GRID2IP: variants seen among roughly 807,000 people sequenced by gnomAD.
GRID2IP encodes Grid2 interacting protein.
GRID2IP carries 78 observed loss-of-function variants against 114.3 expected under a neutral mutation model. The observed-to-expected ratio is 0.68, with a 90% CI of 0.57 to 0.82. The LOEUF (loss-of-function observed/expected upper bound fraction) is 0.82. Among genes scored for constraint, GRID2IP ranks in the 40% least tolerant of loss-of-function variants. The pLI is 0.00. For synonymous variants in GRID2IP, 809 were observed against 724.0 expected (o/e 1.12, Z -1.89); for missense variants, 1,727 against 1,678.5 (o/e 1.03, Z -0.51).
At chr7:6,543,700 C>G (rs1231886004) in intron 1 of GRID2IP, among the ~76,000 whole-genome samples, 2 of 151,934 alleles carry the variant, frequency 1.3e-5, no homozygotes, top group African/African-American at 4.8e-5. Context: ...GCCTTGAACT[C>G]CTGTGTTCAA....
chr7:6,545,818 G>A (rs540294177), intron 1 of GRID2IP, among the ~76,000 whole-genome samples: 1 of 152,208 alleles, frequency 6.6e-6, no homozygotes, highest in Admixed American at 6.5e-5. Flanking sequence ...CTCCCTGTGA[G>A]TGGGCCAGGC....
intron 4 of GRID2IP, 132 bp from the exon 5 acceptor site, chr7:6,522,089 C>A: frequency 5.8e-6 from 4 of 685,674 alleles, no homozygotes; most frequent in Non-Finnish European, 1.0e-5. Context: ...GTGGCTCACA[C>A]CTGTAACCTC....
In GRID2IP at chr7:6,516,927, C is replaced by T. The variant is rs1203701642; in HGVS notation, c.1269-2398G>A. Among the ~76,000 whole-genome samples the T allele has an allele frequency of 6.6e-6, 1 of 152,114 alleles. No homozygotes were observed. The highest frequency in any genetic ancestry group is 1.5e-5 in the Non-Finnish European group (1 of 68,026). On this transcript the variant is annotated intron_variant, in intron 7 of 21. Transcript: ENST00000457091. The surrounding 1 kb of genome is among the most constrained non-coding windows in gnomAD (Gnocchi z 4.3). ...GATGACTCTCACTCCATACCCTGCCCCTTTGCCTTGTACACAATAAATAAC... is the reference window on the plus strand; with the variant it reads ...GATGACTCTCACTCCATACCCTGCCTCTTTGCCTTGTACACAATAAATAAC...
chr7:6,551,177 C>G lies in GRID2IP; in HGVS notation c.260G>C (p.Gly87Ala), dbSNP rs1779972648. The G allele has an allele frequency of 3.6e-6, 5 of 1,370,434 alleles. No homozygotes were observed. The highest frequency in any genetic ancestry group is 4.7e-6 in the Non-Finnish European group (5 of 1,070,690). 84.9% of individuals were successfully genotyped at this position (1,370,434 alleles called of 1,614,324 possible). A position where few individuals can be genotyped will look rare whatever the true frequency, so the allele number is the denominator to read the frequency against. The change falls in exon 1 of 22, where the codon GGT becomes GCT. Residue 87 changes from glycine to alanine, a missense_variant. Coordinates refer to ENST00000457091, the MANE Select transcript of GRID2IP (RefSeq NM_001145118.2). ...PSLGVLPAPD[G>A]GPGPGSGPAA... ...GGGGCCGGATCCTGGGCCGGGGCCA[C>G]CGTCGGGAGCCGGGAGCACGCCCAG... is the stretch of plus-strand genomic sequence containing the variant.
rs1360034209 is a variant in GRID2IP at position 6,528,488 on chromosome 7, C to G, written c.585-1719G>C. Among the ~76,000 whole-genome samples the G allele has an allele frequency of 3.3e-5, 5 of 152,286 alleles. No homozygotes were observed. In the South Asian group the frequency reaches 8.3e-4, roughly 25 times the overall value. On this transcript the variant is annotated intron_variant, in intron 2 of 21. Transcript: ENST00000457091. The surrounding 1 kb of genome is among the most constrained non-coding windows in gnomAD (Gnocchi z 6.0). ...ACTGTGGCAGGACCTCTAACAAGAG[C>G]CCCTGAAGGTCTGGTTGCCTGTGAG...
At chr7:6,538,662 G>T (rs1779768385) in intron 2 of GRID2IP, among the ~76,000 whole-genome samples, 1 of 152,212 alleles carries the variant, frequency 6.6e-6, no homozygotes, top group African/African-American at 2.4e-5. Flanking sequence ...TGGATCACTT[G>T]AGGTCAGGAG....
intron 10 of GRID2IP, 76 bp from the exon 11 acceptor site, chr7:6,510,476 C>T (rs150089538): frequency 0.028 from 38,196 of 1,350,784 alleles, 654 homozygotes; most frequent in Middle Eastern, 0.039. Context: ...CCTGGGTGGG[C>T]CGGGAGGCAG....
chr7:6,496,794 C>G lies in GRID2IP; in HGVS notation c.*980G>C, dbSNP rs1786267580. Among the ~76,000 whole-genome samples, 1 of 150,448 alleles carries G rather than the reference C, an allele frequency of 6.6e-6. No homozygotes were observed. The highest frequency in any genetic ancestry group is 2.4e-5 in the African/African-American group (1 of 40,894). On this transcript the variant is annotated 3_prime_UTR_variant, in exon 22 of 22. Transcript: ENST00000457091. ...GAGGGAAGCTGTCTGATCCAAGGAT[C>G]TGTCAATCAGAGAATTTTAAAAAAG...
Position 6,521,950 on chromosome 7 carries a change from T to G in GRID2IP, c.927A>C (p.Pro309=). Residue 309 remains proline, a synonymous_variant, in exon 5 of 22, where the codon CCA becomes CCC. Transcript: ENST00000457091. The surrounding 1 kb of genome is among the most constrained non-coding windows in gnomAD (Gnocchi z 4.1). ...CTGACTTGAGGGCAGCATTGTCAGCTGGGCTCCCTGGAAGCAAGAAGAGAG... is the reference window on the plus strand; with the variant it reads ...CTGACTTGAGGGCAGCATTGTCAGCGGGGCTCCCTGGAAGCAAGAAGAGAG... ...VWIESVLPGS[P]ADNAALKSGD... is the part of the protein sequence containing the mutation. 1 of 1,551,260 alleles carries G rather than the reference T, an allele frequency of 6.4e-7. No individual in the cohort carries two copies. The highest frequency in any genetic ancestry group is 8.7e-7 in the Non-Finnish European group (1 of 1,146,730).
chr7:6,509,426 T>C lies in GRID2IP; in HGVS notation c.1772-113A>G, dbSNP rs774179947. On this transcript the variant is annotated intron_variant, in intron 11 of 21. Coordinates refer to ENST00000457091, the MANE Select transcript of GRID2IP (RefSeq NM_001145118.2). The surrounding 1 kb of genome is among the most constrained non-coding windows in gnomAD (Gnocchi z 4.9). ...GGCTCTGTGTCCCAGGCCACTCTCC[T>C]TTCCCTCTCTGGGCACAGTGCAGGA... 3 of 960,884 alleles carry C rather than the reference T, an allele frequency of 3.1e-6. No individual in the cohort carries two copies. Among genetic ancestry groups the C allele is most frequent in the Non-Finnish European group, 4.4e-6 (3 of 683,692 alleles). 59.5% of individuals were successfully genotyped at this position (960,884 alleles called of 1,614,324 possible).
intron 8 of GRID2IP, among the ~76,000 whole-genome samples, chr7:6,514,050 G>A (rs1375453919): frequency 6.6e-6 from 1 of 151,728 alleles, no homozygotes; most frequent in East Asian, 1.9e-4. Context: ...TCAGGAGATA[G>A]AGACCATCAT....
chr7:6,520,277 C>T lies in GRID2IP; in HGVS notation c.1268+301G>A, dbSNP rs116062247. Among the ~76,000 whole-genome samples, 63 of 149,234 alleles carry T rather than the reference C, an allele frequency of 4.2e-4. No homozygotes were observed. The highest frequency in any genetic ancestry group is 1.3e-3 in the African/African-American group (52 of 39,228). ...ATTGCACTCCAGCTGGGTGATAGAG[C>T]GAGACTCCATCTCAAAAAAAAAAAA... On this transcript the variant is annotated intron_variant, in intron 7 of 21. Transcript: ENST00000457091. The surrounding 1 kb of genome is among the most constrained non-coding windows in gnomAD (Gnocchi z 4.6).
chr7:6,514,812 T>C (rs1455232742), intron 7 of GRID2IP, among the ~76,000 whole-genome samples: 1 of 151,438 alleles, frequency 6.6e-6, no homozygotes, highest in Non-Finnish European at 1.5e-5. Flanking sequence ...ATTAGTCAGG[T>C]GTGGTGGTGC....
chr7:6,549,384 C>G (rs543729948), intron 1 of GRID2IP, among the ~76,000 whole-genome samples: 11 of 152,324 alleles, frequency 7.2e-5, no homozygotes, highest in African/African-American at 2.6e-4. Context: ...GGCTAGAGGT[C>G]TGATCCATTC....
chr7:6,539,780 C>T lies in GRID2IP; in HGVS notation c.522G>A (p.Leu174=). ...GCAGCGCCAGGGTGAGAGTCCACAC[C>T]AGATCATCCACCCGCTGCTCAGCTG... The part of the protein sequence containing the change: ...QFAAEQRVDD[L]VWTLTLALPR... Residue 174 remains leucine (L), a synonymous_variant, in exon 2 of 22, where the codon CTG becomes CTA. Coordinates refer to ENST00000457091, the MANE Select transcript of GRID2IP (RefSeq NM_001145118.2). The T allele has an allele frequency of 6.4e-7, 1 of 1,550,640 alleles. No homozygotes were observed. The highest frequency in any genetic ancestry group is 8.7e-7 in the Non-Finnish European group (1 of 1,146,988).
At chr7:6,549,631 C>T (rs1779939060) in intron 1 of GRID2IP, among the ~76,000 whole-genome samples, 1 of 151,848 alleles carries the variant, frequency 6.6e-6, no homozygotes, top group African/African-American at 2.4e-5. Context: ...TGGGGAATGG[C>T]GGGGAGGGGA....
At chr7:6,510,516 G>T in intron 10 of GRID2IP, 93 bp downstream of exon 10, 1 of 1,305,054 alleles carries the variant, frequency 7.7e-7, no homozygotes, top group Non-Finnish European at 1.0e-6. Flanking sequence ...GCAGCACAGG[G>T]ACGCCTTGGC....
chr7:6,537,040 G>A lies in GRID2IP; in HGVS notation c.584+2678C>T, dbSNP rs1779737108. ...CGGGCTGAGTCCGGGAAGAGGGAGG[G>A]GAGGGATGGAGGAGCAGTCGCAGGC... On this transcript the variant is annotated intron_variant, in intron 2 of 21. Transcript: ENST00000457091. The A allele has an allele frequency of 1.1e-5, 6 of 553,796 alleles. 1 individual carries two copies. The South Asian group carries it at 1.2e-4, about 11-fold the overall frequency. 34.3% of individuals were successfully genotyped at this position (553,796 alleles called of 1,614,324 possible).
rs1438671123 is a variant in GRID2IP at position 6,536,922 on chromosome 7, G to T, written c.584+2796C>A. The T allele has an allele frequency of 1.0e-5, 4 of 400,586 alleles. No homozygotes were observed. The highest frequency in any genetic ancestry group is 7.8e-4 in the Middle Eastern group (1 of 1,282). The allele number at this position is 400,586 out of a possible 1,614,324, so 24.8% of individuals were successfully genotyped here. On this transcript the variant is annotated intron_variant, in intron 2 of 21. Transcript: ENST00000457091. This position sits in a 1 kb window ranked among gnomAD's most constrained non-coding sequence, Gnocchi z 5.3. ...GCGCCGGGGCTGGGGTGGGCGGGGGGGCGGCGGGGAGGGTGGCCAGCCCAG... is the reference window on the plus strand; with the variant it reads ...GCGCCGGGGCTGGGGTGGGCGGGGGTGCGGCGGGGAGGGTGGCCAGCCCAG...
Sources: allele counts gnomAD v4.1 joint callset (sites outside exome capture counted in the v4.1 genomes callset), GRCh38; gene constraint gnomAD v4.1.1; non-coding constraint Gnocchi (gnomAD v3.1); transcripts MANE v1.5; gene names NCBI Gene and HGNC (gene_info 2026-07-23, HGNC 2026-07-21).